EPHA2: variants seen among roughly 807,000 people sequenced by gnomAD.
EPHA2 encodes EPH receptor A2.
A neutral mutation model predicts 104.9 loss-of-function variants in EPHA2; 54 were observed. The ratio of observed to expected loss-of-function variants is 0.51; its 90% CI spans 0.41 to 0.65. The LOEUF (loss-of-function observed/expected upper bound fraction) is 0.65, where lower values mean the gene tolerates loss of function less well. EPHA2 is among the 30% of genes least tolerant of loss of function. The probability of loss-of-function intolerance (pLI) is 0.00; values close to 1 mark genes in which losing one functional copy is unlikely to be tolerated. For synonymous variants in EPHA2, 560 were observed against 559.1 expected (o/e 1.00, Z -0.02); for missense variants, 1,117 against 1,369.5 (o/e 0.82, Z 2.91).
chr1:16,155,589 G>A, intron 1 of EPHA2: 1 of 388,916 alleles, frequency 2.6e-6, no homozygotes, highest in East Asian at 3.8e-5. Context: ...CTGCAACCGC[G>A]TGGCCTGCGC....
Position 16,150,913 on chromosome 1 carries a change from G to A in EPHA2, c.136C>T (p.His46Tyr). 6.2e-7 allele frequency: 1 copy of A among 1,614,110 alleles called. No homozygotes were observed. The highest frequency in any genetic ancestry group is 1.3e-5 in the African/African-American group (1 of 75,034). The change falls in exon 2 of 17, where the codon CAC (histidine) becomes TAC (tyrosine). Residue 46 changes from histidine (H) to tyrosine (Y), a missense_variant. By Grantham distance (83) the His-to-Tyr change is moderately conservative (BLOSUM62 2). Around this residue, in one of 3 missense-constraint regions of EPHA2, gnomAD observed 664 missense variants for 784.8 expected, o/e 0.85. Transcript: ENST00000358432. The surrounding 1 kb of genome is among the most constrained non-coding windows in gnomAD (Gnocchi z 4.8). ...AAGGELGWLT[H>Y]PYGKGWDLMQ... ...TTACATACCCCTTTGCCATACGGGT[G>A]TGTGAGCCAGCCGAGCTCCCCTCCA...
In EPHA2 at chr1:16,125,536, C is replaced by T. The variant is rs1446666037; in HGVS notation, c.2826-216G>A. Among the ~76,000 whole-genome samples the T allele has an allele frequency of 6.6e-6, 1 of 152,004 alleles. No homozygotes were observed. The highest frequency in any genetic ancestry group is 1.5e-5 in the Non-Finnish European group (1 of 68,008). ...ACAGCCTAGAAGCTTGCCAAGGTGG[C>T]CCACCATCAACAAAGTTAGGAAAAC... On this transcript the variant is annotated intron_variant, in intron 16 of 16. Coordinates refer to ENST00000358432, the MANE Select transcript of EPHA2 (RefSeq NM_004431.5). This position sits in a 1 kb window ranked among gnomAD's most constrained non-coding sequence, Gnocchi z 4.9.
intron 5 of EPHA2, among the ~76,000 whole-genome samples, chr1:16,136,820 C>T (rs1212186843): frequency 4.9e-5 from 7 of 144,154 alleles, no homozygotes; most frequent in South Asian, 2.2e-4. Context: ...TCTTTTGAGA[C>T]GGAGTTTCGC....
chr1:16,133,782 C>A, intron 9 of EPHA2, 78 bp downstream of exon 9: 4 of 1,495,914 alleles, frequency 2.7e-6, no homozygotes, highest in South Asian at 1.3e-5. Flanking sequence ...CTGGGAACAC[C>A]CTGGCTGCCC....
chr1:16,125,374 CCGGGCTGGGTGGGG>C lies in EPHA2; in HGVS notation c.2826-68_2826-55del. 4.6e-6 allele frequency: 1 copy of C among 218,010 alleles called. No individual in the cohort carries two copies. The highest frequency in any genetic ancestry group is 9.4e-6 in the Non-Finnish European group (1 of 105,944). 13.5% of individuals were successfully genotyped at this position (218,010 alleles called of 1,614,324 possible). A position where few individuals can be genotyped will look rare whatever the true frequency, so the allele number is the denominator to read the frequency against. ...TTAGGGGCTGGAGCAGGGGAGGGGG[CCGGGCTGGGTGGGG>C]ACAGGACTCGGTGGGCGGCTGGGGA... On this transcript the variant is annotated intron_variant, in intron 16 of 16. Transcript: ENST00000358432. This position sits in a 1 kb window ranked among gnomAD's most constrained non-coding sequence, Gnocchi z 4.9.
At position 16,134,879 on chromosome 1, in the gene EPHA2, C is replaced by T. The variant is rs749744798; in HGVS notation, c.1582+157G>A. On this transcript the variant is annotated intron_variant, in intron 7 of 16. Transcript: ENST00000358432. This position sits in a 1 kb window ranked among gnomAD's most constrained non-coding sequence, Gnocchi z 4.5. ...CCTCAGCCTTCCATGCTTCCCCCTCCCCAGGCTTGGGGGCAGTCCCCGAAG... is the reference window on the plus strand; with the variant it reads ...CCTCAGCCTTCCATGCTTCCCCCTCTCCAGGCTTGGGGGCAGTCCCCGAAG... 6.6e-6 allele frequency among the ~76,000 whole-genome samples: 1 copy of T among 152,246 alleles called. No individual in the cohort carries two copies. The highest frequency in any genetic ancestry group is 1.5e-5 in the Non-Finnish European group (1 of 68,040).
At chr1:16,143,948 G>A (rs1041818898) in intron 3 of EPHA2, among the ~76,000 whole-genome samples, 11 of 152,108 alleles carry the variant, frequency 7.2e-5, no homozygotes, top group South Asian at 2.1e-4. Context: ...AGGGCCTGAC[G>A]GCTGCCAGCA....
chr1:16,124,526 C>T lies in EPHA2; in HGVS notation c.*689G>A, dbSNP rs2024431005. ...CGACTGGGGCATGGGCAGGACACTCCTGCAGCACCGGTCCCTGAGTCCCCA... is the reference window on the plus strand; with the variant it reads ...CGACTGGGGCATGGGCAGGACACTCTTGCAGCACCGGTCCCTGAGTCCCCA... On this transcript the variant is annotated 3_prime_UTR_variant, in exon 17 of 17. Coordinates refer to ENST00000358432, the MANE Select transcript of EPHA2 (RefSeq NM_004431.5). The T allele has an allele frequency of 6.6e-6, 1 of 152,616 alleles. No individual in the cohort carries two copies. The highest frequency in any genetic ancestry group is 2.4e-5 in the African/African-American group (1 of 41,422). 9.5% of individuals were successfully genotyped at this position (152,616 alleles called of 1,614,324 possible). A position where few individuals can be genotyped will look rare whatever the true frequency, so the allele number is the denominator to read the frequency against.
At chr1:16,141,104 T>C (rs1407902115) in intron 3 of EPHA2, among the ~76,000 whole-genome samples, 2 of 152,156 alleles carry the variant, frequency 1.3e-5, no homozygotes, top group East Asian at 3.9e-4. Context: ...GAAACAAGCC[T>C]GAAGAGAGAG....
rs1231313486 is a variant in EPHA2, at chr1:16,150,363, C to T, written c.153+533G>A. 9.2e-5 allele frequency among the ~76,000 whole-genome samples: 14 copies of T among 152,160 alleles called. No homozygotes were observed. Among genetic ancestry groups the T allele is most frequent in the African/African-American group, 1.4e-4 (6 of 41,420 alleles). On this transcript the variant is annotated intron_variant, in intron 2 of 16. Transcript: ENST00000358432. The surrounding 1 kb of genome is among the most constrained non-coding windows in gnomAD (Gnocchi z 4.8). Reference sequence around the variant, plus strand: ...GCCCCCATTCCTGGTCACATCAGGACGGCATAGAGGGGAAGACCTGGGTGA... The same window carrying T: ...GCCCCCATTCCTGGTCACATCAGGATGGCATAGAGGGGAAGACCTGGGTGA...
intron 5 of EPHA2, among the ~76,000 whole-genome samples, chr1:16,137,451 A>G (rs1014588338): frequency 6.6e-6 from 1 of 152,032 alleles, no homozygotes; most frequent in Non-Finnish European, 1.5e-5. Flanking sequence ...ACAAAAAATT[A>G]GCTGTGTGTG....
rs2025159833 is a variant in EPHA2, at chr1:16,155,955, C to A, written c.-23G>T. On this transcript the variant is annotated 5_prime_UTR_variant, in exon 1 of 17. Transcript: ENST00000358432. The stretch of plus-strand genomic sequence containing the variant: ...CATGCCGCGCTTCTCGCTCTCGGTC[C>A]GATCCCCCCGAGCCCGGCTCCCGCA... The A allele has an allele frequency of 6.7e-7, 1 of 1,482,536 alleles. No homozygotes were observed. The highest frequency in any genetic ancestry group is 8.9e-7 in the Non-Finnish European group (1 of 1,123,542). 91.8% of individuals were successfully genotyped at this position (1,482,536 alleles called of 1,614,324 possible).
chr1:16,129,239 G>A (rs1268858527), intron 16 of EPHA2, among the ~76,000 whole-genome samples, 195 bp downstream of exon 16: 1 of 151,802 alleles, frequency 6.6e-6, no homozygotes, highest in Non-Finnish European at 1.5e-5. Flanking sequence ...GAAGAGGAGA[G>A]AGCTGAGAGT....
intron 5 of EPHA2, 130 bp downstream of exon 5, chr1:16,137,723 C>CACGGGT: frequency 8.8e-7 from 1 of 1,132,896 alleles, no homozygotes; most frequent in Non-Finnish European, 1.3e-6. Context: ...CAAGCTTGCT[C>CACGGGT]TAGACACTGT....
rs768820504 is a variant in EPHA2, at chr1:16,130,129, C to T, written c.2669+97G>A. The T allele has an allele frequency of 4.6e-6, 7 of 1,537,070 alleles. No individual in the cohort carries two copies. Among genetic ancestry groups the T allele is most frequent in the East Asian group, 2.3e-5 (1 of 44,258 alleles). On this transcript the variant is annotated intron_variant, in intron 15 of 16. Transcript: ENST00000358432. This position sits in a 1 kb window ranked among gnomAD's most constrained non-coding sequence, Gnocchi z 4.5. ...TAACCTCTTAGCCCCCAGCACCCCC[C>T]CTACCAGCTTCACCTGGGTGGCCAC...
chr1:16,135,338 C>A lies in EPHA2; in HGVS notation c.1429-149G>T. ...TCTTACAGAGGAGGAAACTGAGGCT[C>A]GGAATTAAGTGACTCACTCAAGGTC... is the stretch of plus-strand genomic sequence containing the variant. On this transcript the variant is annotated intron_variant, in intron 6 of 16. Coordinates refer to ENST00000358432, the MANE Select transcript of EPHA2 (RefSeq NM_004431.5). The surrounding 1 kb of genome is among the most constrained non-coding windows in gnomAD (Gnocchi z 4.3). The A allele has an allele frequency of 9.4e-7, 1 of 1,066,362 alleles. No individual in the cohort carries two copies. Among genetic ancestry groups the A allele is most frequent in the Non-Finnish European group, 1.4e-6 (1 of 721,476 alleles). 66.1% of individuals were successfully genotyped at this position (1,066,362 alleles called of 1,614,324 possible). A position where few individuals can be genotyped will look rare whatever the true frequency, so the allele number is the denominator to read the frequency against.
rs370349298 is a variant in EPHA2, at chr1:16,134,900, C to T, written c.1582+136G>A. 19 of 1,425,512 alleles carry T rather than the reference C, an allele frequency of 1.3e-5. No individual in the cohort carries two copies. The highest frequency in any genetic ancestry group is 1.8e-4 in the Middle Eastern group (1 of 5,532). The allele number at this position is 1,425,512 out of a possible 1,614,324, so 88.3% of individuals were successfully genotyped here. On this transcript the variant is annotated intron_variant, in intron 7 of 16. Transcript: ENST00000358432. The surrounding 1 kb of genome is among the most constrained non-coding windows in gnomAD (Gnocchi z 4.5). The stretch of plus-strand genomic sequence containing the variant: ...CCTCCCCAGGCTTGGGGGCAGTCCC[C>T]GAAGGGCTGTCCCAGGCCGCCGGTG...
At chr1:16,143,445 T>G (rs1025820274) in intron 3 of EPHA2, among the ~76,000 whole-genome samples, 1 of 151,978 alleles carries the variant, frequency 6.6e-6, no homozygotes, top group Non-Finnish European at 1.5e-5. Context: ...GTGGCACACC[T>G]GTGGAGAGCT....
intron 11 of EPHA2, chr1:16,132,907 G>A (rs2024603638): frequency 3.8e-6 from 2 of 532,462 alleles, no homozygotes; most frequent in African/African-American, 2.3e-5. Flanking sequence ...AGGTATCGGG[G>A]AGAGGTGGGC....
Sources: allele counts gnomAD v4.1 joint callset (sites outside exome capture counted in the v4.1 genomes callset), GRCh38; gene constraint gnomAD v4.1.1; regional missense constraint gnomAD v4.1.1; non-coding constraint Gnocchi (gnomAD v3.1); transcripts MANE v1.5; gene names NCBI Gene and HGNC (gene_info 2026-07-23, HGNC 2026-07-21).